WDFY2: variants seen among roughly 807,000 people sequenced by gnomAD.
The protein encoded by WDFY2 is WD repeat and FYVE domain containing 2.
In WDFY2, 36 loss-of-function variants were observed where a neutral mutation model predicts 56.4. The ratio of observed to expected loss-of-function variants is 0.64; its 90% CI spans 0.49 to 0.84. The LOEUF (loss-of-function observed/expected upper bound fraction) is 0.84. WDFY2 is among the 40% of genes least tolerant of loss of function. WDFY2 has a pLI of 0.00. For missense variants in WDFY2, 444 were observed against 512.2 expected (o/e 0.87, Z 1.29); for synonymous variants, 176 against 183.7 (o/e 0.96, Z 0.34).
At chr13:51,694,602 G>T (rs1216962944) in intron 3 of WDFY2, among the ~76,000 whole-genome samples, 1 of 152,046 alleles carries the variant, frequency 6.6e-6, no homozygotes, top group African/African-American at 2.4e-5. Context: ...TTTCTCTCTG[G>T]CTGCCCTTAA....
intron 3 of WDFY2, among the ~76,000 whole-genome samples, chr13:51,697,156 A>G (rs1951893661): frequency 6.6e-6 from 1 of 152,212 alleles, no homozygotes; most frequent in African/African-American, 2.4e-5. Flanking sequence ...AATGGAAAGG[A>G]CATAAATTGG....
intron 1 of WDFY2, among the ~76,000 whole-genome samples, chr13:51,626,589 AGTT>A (rs1954839112): frequency 6.6e-6 from 1 of 152,202 alleles, no homozygotes; most frequent in Non-Finnish European, 1.5e-5. Flanking sequence ...ATAATTAACA[AGTT>A]GTGTGATTAG....
Position 51,762,683 on chromosome 13 carries a change from C to T in WDFY2, c.*2914C>T, listed in dbSNP as rs1242144022. On this transcript the variant is annotated 3_prime_UTR_variant, in exon 12 of 12. Transcript: ENST00000298125. ...CTGGCGCCAGCACTTGGCTCTTGTT[C>T]TGTCTAGGTGAACTCTCATAATTCT... 6 of 152,220 alleles carry T rather than the reference C, an allele frequency of 3.9e-5. No individual in the cohort carries two copies. Among genetic ancestry groups the T allele is most frequent in the African/African-American group, 1.4e-4 (6 of 41,454 alleles). 9.4% of individuals were successfully genotyped at this position (152,220 alleles called of 1,614,324 possible).
At chr13:51,725,288 A>T (rs1952580109) in intron 5 of WDFY2, among the ~76,000 whole-genome samples, 1 of 152,232 alleles carries the variant, frequency 6.6e-6, no homozygotes, top group Non-Finnish European at 1.5e-5. Context: ...ATTTCTTTGC[A>T]ACTCTCTTTG....
rs1174808341 is a variant in WDFY2 at position 51,597,183 on chromosome 13, G to A, written c.137+12359G>A. Among the ~76,000 whole-genome samples, 3 of 152,146 alleles carry A rather than the reference G, an allele frequency of 2.0e-5. No individual in the cohort carries two copies. In the South Asian group the frequency reaches 6.2e-4, roughly 32 times the overall value. On this transcript the variant is annotated intron_variant, in intron 1 of 11. Coordinates refer to ENST00000298125, the MANE Select transcript of WDFY2 (RefSeq NM_052950.4). ...TAGATCATTGTCAGAATTGAACCCA[G>A]AAGAACTGTATACTATATACCAAGT...
intron 7 of WDFY2, among the ~76,000 whole-genome samples, chr13:51,741,704 A>G (rs930691782): frequency 6.6e-6 from 1 of 152,220 alleles, no homozygotes; most frequent in Non-Finnish European, 1.5e-5. Flanking sequence ...ACTCCGTTCA[A>G]TCTTGCAATA....
At chr13:51,753,748 G>T (rs1354768749) in intron 8 of WDFY2, among the ~76,000 whole-genome samples, 2 of 151,044 alleles carry the variant, frequency 1.3e-5, no homozygotes, top group Non-Finnish European at 3.0e-5. Flanking sequence ...CCTTATAAAA[G>T]GTGTGTGTGT....
chr13:51,751,211 GGAGT>G (rs1953227463), intron 7 of WDFY2, 95 bp from the exon 8 acceptor site: 2 of 1,070,898 alleles, frequency 1.9e-6, no homozygotes, highest in Non-Finnish European at 2.7e-6. Context: ...CTGGGGGCTC[GGAGT>G]GAGTGAGCAC....
At chr13:51,684,260 C>T (rs1956023498) in intron 3 of WDFY2, among the ~76,000 whole-genome samples, 2 of 151,966 alleles carry the variant, frequency 1.3e-5, no homozygotes, top group Admixed American at 1.3e-4. Flanking sequence ...GAAGTCAAAA[C>T]ATTAGGGCAG....
Position 51,756,277 on chromosome 13 carries a change from G to C in WDFY2, c.934-55G>C. 1.0e-5 allele frequency: 16 copies of C among 1,566,730 alleles called. No homozygotes were observed. In the South Asian group the frequency reaches 1.8e-4, roughly 18 times the overall value. ...TCTGCCAGGAGGGGTGAGATGCGGG[G>C]GCCTCAGGAGCTGAGGGAGCCGTGA... On this transcript the variant is annotated intron_variant, in intron 9 of 11. Transcript: ENST00000298125.
At chr13:51,638,744 TTTTTA>T (rs1955099162) in intron 1 of WDFY2, among the ~76,000 whole-genome samples, 3 of 152,200 alleles carry the variant, frequency 2.0e-5, no homozygotes, top group Non-Finnish European at 2.9e-5. Context: ...ACTTTTTGGA[TTTTTA>T]TTTTTGCAGG....
At position 51,660,666 on chromosome 13, in the gene WDFY2, A is replaced by G. The variant is rs1315550530; in HGVS notation, c.205+3A>G. On this transcript the variant is annotated splice_donor_region_variant and intron_variant, in intron 2 of 11. Coordinates refer to ENST00000298125, the MANE Select transcript of WDFY2 (RefSeq NM_052950.4). ...AAGCGTATACCATGCAATGCCTTGT[A>G]AGTATCCAAATCGCTGTCTTGAAAA... 3 of 1,613,374 alleles carry G rather than the reference A, an allele frequency of 1.9e-6. No individual in the cohort carries two copies. Among genetic ancestry groups the G allele is most frequent in the South Asian group, 1.1e-5 (1 of 90,992 alleles).
chr13:51,738,249 T>C (rs917849773), intron 6 of WDFY2, among the ~76,000 whole-genome samples: 9 of 151,952 alleles, frequency 5.9e-5, no homozygotes, highest in African/African-American at 1.9e-4. Context: ...AAAATTCTTA[T>C]TGTTCTCAGT....
intron 3 of WDFY2, among the ~76,000 whole-genome samples, chr13:51,677,470 A>T (rs1955907791): frequency 6.6e-6 from 1 of 152,218 alleles, no homozygotes; most frequent in East Asian, 1.9e-4. Context: ...CAGCTGTTTT[A>T]ATAATTTACT....
intron 1 of WDFY2, among the ~76,000 whole-genome samples, chr13:51,605,654 C>T (rs1439564923): frequency 2.6e-5 from 4 of 152,062 alleles, no homozygotes; most frequent in East Asian, 1.9e-4. Flanking sequence ...AATTATTACC[C>T]GTGAAACTTA....
intron 1 of WDFY2, among the ~76,000 whole-genome samples, chr13:51,641,190 A>T (rs1955148134): frequency 6.6e-6 from 1 of 151,834 alleles, no homozygotes; most frequent in African/African-American, 2.4e-5. Context: ...CTCCTGCCCT[A>T]GCCTCCCGAG....
At position 51,762,216 on chromosome 13, in the gene WDFY2, A is replaced by G. The variant is rs1953606649; in HGVS notation, c.*2447A>G. On this transcript the variant is annotated 3_prime_UTR_variant, in exon 12 of 12. Transcript: ENST00000298125. ...TAGGGCAGCAAAGGCCCAGGCGCCC[A>G]GCAAGCCTGTATGGGTTCTGAGATG... is the stretch of plus-strand genomic sequence containing the variant. 6.6e-6 allele frequency: 1 copy of G among 152,384 alleles called. No individual in the cohort carries two copies. Among genetic ancestry groups the G allele is most frequent in the African/African-American group, 2.4e-5 (1 of 41,578 alleles). 9.4% of individuals were successfully genotyped at this position (152,384 alleles called of 1,614,324 possible). A position where few individuals can be genotyped will look rare whatever the true frequency, so the allele number is the denominator to read the frequency against.
At chr13:51,654,018 G>T (rs902727201) in intron 1 of WDFY2, among the ~76,000 whole-genome samples, 4 of 152,216 alleles carry the variant, frequency 2.6e-5, no homozygotes, top group Non-Finnish European at 5.9e-5. Flanking sequence ...AGTCTACAGA[G>T]GCAGACGCCT....
In WDFY2 at chr13:51,748,558, G is replaced by A. The variant is rs187525291; in HGVS notation, c.726-2752G>A. ...GGTAAAACATTTAAAAATAAACATA[G>A]ATGATAACACAATTTTAAATAATTT... On this transcript the variant is annotated intron_variant, in intron 7 of 11. Coordinates refer to ENST00000298125, the MANE Select transcript of WDFY2 (RefSeq NM_052950.4). 3.9e-5 allele frequency among the ~76,000 whole-genome samples: 6 copies of A among 152,202 alleles called. No homozygotes were observed. The East Asian group carries it at 7.7e-4, about 20-fold the overall frequency.
Sources: allele counts gnomAD v4.1 joint callset (sites outside exome capture counted in the v4.1 genomes callset), GRCh38; gene constraint gnomAD v4.1.1; transcripts MANE v1.5; gene names NCBI Gene and HGNC (gene_info 2026-07-23, HGNC 2026-07-21).